Variants in GFRAL observed in about 807,000 individuals in gnomAD.
The protein encoded by GFRAL is GDNF family receptor alpha-like.
In GFRAL, 36 loss-of-function variants were observed where a neutral mutation model predicts 45.4. The observed-to-expected ratio is 0.79, with a 90% CI of 0.61 to 1.05. GFRAL has a LOEUF of 1.05. GFRAL is among the 50% of genes least tolerant of loss of function. The pLI is 0.00. For missense variants in GFRAL, 507 were observed against 467.5 expected (o/e 1.08, Z -0.78); for synonymous variants, 166 against 154.1 (o/e 1.08, Z -0.57).
At position 55,362,408 on chromosome 6, in the gene GFRAL, G is replaced by A. The variant is rs13193657; in HGVS notation, c.952+3270G>A. Among the ~76,000 whole-genome samples, 790 of 152,042 alleles carry A rather than the reference G, an allele frequency of 5.2e-3. 3 individuals are homozygous for A. The highest frequency in any genetic ancestry group is 7.9e-3 in the Non-Finnish European group (536 of 67,948). On this transcript the variant is annotated intron_variant, in intron 6 of 8. Coordinates refer to ENST00000340465, the MANE Select transcript of GFRAL (RefSeq NM_207410.2). ...CTAAGCTTGGAAAATGCACTGAAGA[G>A]CCCTTATCTGGTCCTGTGTGCAGGA...
chr6:55,351,137 T>C, intron 4 of GFRAL, 116 bp from the exon 5 acceptor site: 1 of 729,722 alleles, frequency 1.4e-6, no homozygotes, highest in Non-Finnish European at 2.4e-6. Context: ...TTGCCAAAAA[T>C]AGGACATTGG....
At chr6:55,391,719 A>G (rs1246460085) in intron 6 of GFRAL, among the ~76,000 whole-genome samples, 3 of 152,240 alleles carry the variant, frequency 2.0e-5, no homozygotes, top group Non-Finnish European at 2.9e-5. Flanking sequence ...AACCTGGGCA[A>G]CAAAGCAAGA....
intron 6 of GFRAL, among the ~76,000 whole-genome samples, chr6:55,383,432 T>G (rs895388620): frequency 6.6e-6 from 1 of 152,016 alleles, no homozygotes; most frequent in African/African-American, 2.4e-5. Context: ...GTATTTTTAC[T>G]GTGTTATACT....
intron 6 of GFRAL, among the ~76,000 whole-genome samples, chr6:55,382,241 C>T (rs1768620566): frequency 6.6e-6 from 1 of 151,828 alleles, no homozygotes; most frequent in African/African-American, 2.4e-5. Flanking sequence ...TTTGTTTTTC[C>T]TCTTAGAAAT....
chr6:55,363,644 G>A (rs1768311109), intron 6 of GFRAL, among the ~76,000 whole-genome samples: 1 of 134,198 alleles, frequency 7.5e-6, no homozygotes, highest in South Asian at 2.4e-4. Context: ...GTGTCCATGT[G>A]ATCTCACTGT....
rs543186189 is a variant in GFRAL at position 55,395,772 on chromosome 6, A to G, written c.953-3408A>G. On this transcript the variant is annotated intron_variant, in intron 6 of 8. Transcript: ENST00000340465. ...ATGAACTCTCAACTACTGTTGCACAAGGATTTTGGAAAAAAAAAAAAAAGA... is the reference window on the plus strand; with the variant it reads ...ATGAACTCTCAACTACTGTTGCACAGGGATTTTGGAAAAAAAAAAAAAAGA... Among the ~76,000 whole-genome samples the G allele has an allele frequency of 3.6e-5, 5 of 137,096 alleles. No homozygotes were observed. In the East Asian group the frequency reaches 1.1e-3, roughly 30 times the overall value. The allele number at this position is 137,096 out of a possible 152,430, so 89.9% of individuals were successfully genotyped here.
intron 6 of GFRAL, among the ~76,000 whole-genome samples, chr6:55,395,035 A>C (rs2127366616): frequency 6.6e-6 from 1 of 151,900 alleles, no homozygotes; most frequent in Admixed American, 6.6e-5. Context: ...CCATTTCATA[A>C]CTCAGTAACA....
chr6:55,379,917 G>A (rs1309843839), intron 6 of GFRAL, among the ~76,000 whole-genome samples: 1 of 151,796 alleles, frequency 6.6e-6, no homozygotes, highest in East Asian at 1.9e-4. Context: ...GTCTCTCTGT[G>A]CCTGGCATTT....
chr6:55,359,081 A>T lies in GFRAL; in HGVS notation c.895A>T (p.Ser299Cys). The T allele has an allele frequency of 6.2e-7, 1 of 1,612,782 alleles. No homozygotes were observed. The highest frequency in any genetic ancestry group is 8.5e-7 in the Non-Finnish European group (1 of 1,179,166). The change falls in exon 6 of 9, where the codon AGT (serine) becomes TGT (cysteine). Residue 299 changes from serine to cysteine, a missense_variant. Transcript: ENST00000340465. Reference sequence around the variant, plus strand: ...ATGTACCTGTAGGACCATTACACAAAGTGAGGAATCTTTGTGTAAGATTTT... The same window carrying T: ...ATGTACCTGTAGGACCATTACACAATGTGAGGAATCTTTGTGTAAGATTTT... Reference protein sequence around the residue: ...VQCTCRTITQSEESLCKIFQH... With the variant: ...VQCTCRTITQCEESLCKIFQH...
chr6:55,364,418 G>A (rs1231993076), intron 6 of GFRAL, among the ~76,000 whole-genome samples: 2 of 146,040 alleles, frequency 1.4e-5, no homozygotes, highest in African/African-American at 5.3e-5. Flanking sequence ...AGTTTCTTTT[G>A]CTGTGCAGAA....
rs557285835 is a variant in GFRAL at position 55,384,854 on chromosome 6, A to G, written c.953-14326A>G. Among the ~76,000 whole-genome samples, 3 of 84,752 alleles carry G rather than the reference A, an allele frequency of 3.5e-5. No individual in the cohort carries two copies. The East Asian group carries it at 7.8e-4, about 22-fold the overall frequency. The allele number at this position is 84,752 out of a possible 152,430, so 55.6% of individuals were successfully genotyped here. The stretch of plus-strand genomic sequence containing the variant: ...ACTCTAGATTTTCCTAGATTTCTCC[A>G]AAAAGCAGCAAAAAAAAAAAAAAAA... On this transcript the variant is annotated intron_variant, in intron 6 of 8. Coordinates refer to ENST00000340465, the MANE Select transcript of GFRAL (RefSeq NM_207410.2).
chr6:55,391,155 T>G (rs1258254000), intron 6 of GFRAL, among the ~76,000 whole-genome samples: 8 of 148,126 alleles, frequency 5.4e-5, no homozygotes, highest in Non-Finnish European at 1.2e-4. Context: ...CAGCCACTGT[T>G]CTTGGATTTG....
chr6:55,395,036 C>A (rs965422896), intron 6 of GFRAL, among the ~76,000 whole-genome samples: 1 of 151,732 alleles, frequency 6.6e-6, no homozygotes, highest in African/African-American at 2.4e-5. Flanking sequence ...CATTTCATAA[C>A]TCAGTAACAT....
chr6:55,359,957 A>G (rs1768251683), intron 6 of GFRAL, among the ~76,000 whole-genome samples: 1 of 151,796 alleles, frequency 6.6e-6, no homozygotes. Context: ...CAATATATTC[A>G]CTCTTCAATT....
chr6:55,391,580 T>C (rs1581760535), intron 6 of GFRAL, among the ~76,000 whole-genome samples: 1 of 152,034 alleles, frequency 6.6e-6, no homozygotes, highest in East Asian at 1.9e-4. Context: ...AGCAAGGCCT[T>C]GTCTCTAGAA....
At chr6:55,353,055 G>A (rs1403780137) in intron 5 of GFRAL, among the ~76,000 whole-genome samples, 2 of 152,022 alleles carry the variant, frequency 1.3e-5, no homozygotes, top group African/African-American at 4.8e-5. Flanking sequence ...AAACATGTAT[G>A]TGGCATTTTA....
chr6:55,360,317 A>G (rs1486491263), intron 6 of GFRAL, among the ~76,000 whole-genome samples: 1 of 152,042 alleles, frequency 6.6e-6, no homozygotes, highest in East Asian at 1.9e-4. Flanking sequence ...AGAAGGAAGT[A>G]ATGGATATTT....
intron 3 of GFRAL, among the ~76,000 whole-genome samples, chr6:55,348,237 A>AGTGTGTGTGT (rs10560874): frequency 3.3e-5 from 5 of 150,422 alleles, no homozygotes; most frequent in African/African-American, 1.2e-4. Context: ...GGAAAAAATG[A>AGTGTGTGTGT]GTGTGTGTGT....
intron 6 of GFRAL, among the ~76,000 whole-genome samples, chr6:55,385,669 A>C (rs1044031665): frequency 1.3e-5 from 2 of 152,084 alleles, no homozygotes; most frequent in African/African-American, 4.8e-5. Context: ...TAAATCTTAT[A>C]ATTGTCAATT....
Sources: gnomAD v4.1 joint callset for allele counts (sites outside exome capture counted in the v4.1 genomes callset) on GRCh38, gnomAD v4.1.1 for gene constraint, MANE v1.5 for transcripts, NCBI Gene and HGNC (gene_info 2026-07-23, HGNC 2026-07-21) for gene names.